Variants in ARFGAP3 observed in about 807,000 individuals in gnomAD.
ARFGAP3 encodes the protein ADP-ribosylation factor GTPase-activating protein 3.
In ARFGAP3, 72 loss-of-function variants were observed where a neutral mutation model predicts 75.0. That is an observed-to-expected ratio of 0.96 (90% CI 0.79 to 1.17). The LOEUF is 1.17. Ranked by LOEUF, ARFGAP3 falls within the 50% of genes most tolerant of loss-of-function variation. The pLI, the probability that ARFGAP3 is intolerant of heterozygous loss-of-function variation, is 0.00. For synonymous variants in ARFGAP3, 221 were observed against 217.9 expected (o/e 1.01, Z -0.13); for missense variants, 620 against 626.6 (o/e 0.99, Z 0.11).
At chr22:42,845,062 G>A (rs886986399) in intron 2 of ARFGAP3, among the ~76,000 whole-genome samples, 1 of 152,130 alleles carries the variant, frequency 6.6e-6, no homozygotes, top group African/African-American at 2.4e-5. Flanking sequence ...ATTCTTTAGC[G>A]ATGAGGAAGA....
chr22:42,797,693 G>A (rs1000416119), intron 15 of ARFGAP3, 88 bp from the exon 16 acceptor site: 5 of 1,612,888 alleles, frequency 3.1e-6, no homozygotes, highest in Non-Finnish European at 4.2e-6. Flanking sequence ...CACCCAAATT[G>A]ACACTGCAGC....
At chr22:42,826,875 G>A in intron 7 of ARFGAP3, 65 bp downstream of exon 7, 1 of 1,444,984 alleles carries the variant, frequency 6.9e-7, no homozygotes, top group Non-Finnish European at 9.5e-7. Context: ...AAATGCAAGA[G>A]GATTTATTTT....
Position 42,817,209 on chromosome 22 carries a change from T to C in ARFGAP3, c.997A>G (p.Ile333Val), listed in dbSNP as rs199675575. The C allele has an allele frequency of 2.5e-6, 4 of 1,613,702 alleles. No homozygotes were observed. The highest frequency in any genetic ancestry group is 1.3e-5 in the African/African-American group (1 of 74,928). ...TACTTTTTTCTTGGTTTTGCCATAA[T>C]GGGTGATTCCTGCTCTATGGTCTGC... ...DMQTIEQESP[I>V]MAKPRKKYND... Residue 333 changes from isoleucine to valine, a missense_variant, in exon 11 of 16, where the codon ATT (isoleucine) becomes GTT (valine). Transcript: ENST00000263245.
intron 5 of ARFGAP3, 93 bp downstream of exon 5, chr22:42,834,149 G>C (rs944294452): frequency 2.2e-5 from 25 of 1,162,514 alleles, no homozygotes; most frequent in Middle Eastern, 4.0e-4. Context: ...CTTGTTACAA[G>C]AGCTTAGCCT....
At chr22:42,810,973 T>C in intron 11 of ARFGAP3, 29 bp from the exon 12 acceptor site, 1 of 1,608,570 alleles carries the variant, frequency 6.2e-7, no homozygotes, top group Non-Finnish European at 8.5e-7. Context: ...AACAGTGACT[T>C]TGGAGGTCCT....
At position 42,854,579 on chromosome 22, in the gene ARFGAP3, C is replaced by T. The variant is rs180716983; in HGVS notation, c.69+2535G>A. On this transcript the variant is annotated intron_variant, in intron 1 of 15. Transcript: ENST00000263245. The stretch of plus-strand genomic sequence containing the variant: ...GGAGGAGGTCGCAGTGTGCCAAGAT[C>T]GCACCACTGCACTCCAGACTGGACA... Among the ~76,000 whole-genome samples the T allele has an allele frequency of 2.5e-3, 373 of 151,624 alleles. 1 individual carries two copies. The highest frequency in any genetic ancestry group is 8.7e-3 in the African/African-American group (358 of 41,304).
chr22:42,823,828 T>C (rs1459685517), intron 7 of ARFGAP3, 126 bp from the exon 8 acceptor site: 2 of 1,198,990 alleles, frequency 1.7e-6, no homozygotes, highest in Non-Finnish European at 2.2e-6. Context: ...CCACTTTAGT[T>C]TCTCATCCAG....
At chr22:42,820,869 C>T (rs1925782818) in intron 9 of ARFGAP3, among the ~76,000 whole-genome samples, 1 of 152,190 alleles carries the variant, frequency 6.6e-6, no homozygotes, top group Admixed American at 6.5e-5. Flanking sequence ...TCTTCACTGG[C>T]CTCCTGGCTT....
intron 1 of ARFGAP3, among the ~76,000 whole-genome samples, chr22:42,850,276 A>G (rs1008009073): frequency 6.6e-5 from 10 of 152,132 alleles, no homozygotes; most frequent in Non-Finnish European, 1.5e-4. Context: ...AAAAAAATAC[A>G]TATTAGATAT....
At chr22:42,801,672 A>G (rs1924867985) in intron 14 of ARFGAP3, among the ~76,000 whole-genome samples, 1 of 152,028 alleles carries the variant, frequency 6.6e-6, no homozygotes, top group African/African-American at 2.4e-5. Flanking sequence ...AGGTGCTCAG[A>G]CTCAGCAAGC....
chr22:42,856,442 G>C (rs1253805998), intron 1 of ARFGAP3, among the ~76,000 whole-genome samples: 2 of 151,846 alleles, frequency 1.3e-5, no homozygotes, highest in Admixed American at 1.3e-4. Flanking sequence ...TCACCCCAAC[G>C]CCTCCAGCCA....
chr22:42,838,512 G>C (rs1005322243), intron 3 of ARFGAP3, among the ~76,000 whole-genome samples: 1 of 151,636 alleles, frequency 6.6e-6, no homozygotes, highest in Non-Finnish European at 1.5e-5. Flanking sequence ...GCCCAGGCTG[G>C]TCTTACACTC....
chr22:42,808,767 A>C lies in ARFGAP3; in HGVS notation c.1320T>G (p.Asp440Glu). 6.2e-7 allele frequency: 1 copy of C among 1,609,748 alleles called. No homozygotes were observed. The highest frequency in any genetic ancestry group is 8.5e-7 in the Non-Finnish European group (1 of 1,177,500). The change falls in exon 13 of 16, where the codon GAT (aspartate) becomes GAG (glutamate). Residue 440 changes from aspartate (D) to glutamate (E), a missense_variant and splice_region_variant. Transcript: ENST00000263245. ...DMYFGRQSQA[D>E]YETRARLERL... ...CCAAAGAAACTCTCTGGACCCTTAC[A>C]TCAGCCTGGGATTGTCTTCCAAAAT...
chr22:42,812,141 C>T (rs1043905261), intron 11 of ARFGAP3, among the ~76,000 whole-genome samples: 2 of 148,706 alleles, frequency 1.3e-5, no homozygotes, highest in Non-Finnish European at 1.5e-5. Context: ...GGGAGGCTCA[C>T]CTAAGCCTGG....
rs778047600 is a variant in ARFGAP3 at position 42,817,844 on chromosome 22, G to A, written c.826C>T (p.Arg276Ter). The A allele has an allele frequency of 4.4e-6, 7 of 1,605,070 alleles. No individual in the cohort carries two copies. Among genetic ancestry groups the A allele is most frequent in the South Asian group, 1.1e-5 (1 of 89,662 alleles). ...SKEESIVSSL[R>*]LAYKDLEIQM... The stretch of plus-strand genomic sequence containing the variant: ...ATTTCAAGATCCTTATAGGCTAATC[G>A]TAATGATGAAACACTGCCAGAAAAA... The change falls in exon 10 of 16, where the codon CGA becomes TGA. Residue 276 changes from arginine (R) to a stop codon, truncating the protein, a stop_gained. Coordinates refer to ENST00000263245, the MANE Select transcript of ARFGAP3 (RefSeq NM_014570.5). LOFTEE classifies it high-confidence loss of function.
At chr22:42,850,960 C>T (rs552669806) in intron 1 of ARFGAP3, among the ~76,000 whole-genome samples, 83 of 152,212 alleles carry the variant, frequency 5.5e-4, no homozygotes, top group Non-Finnish European at 9.3e-4. Context: ...AAGACAGACG[C>T]GCAAATTCAA....
At chr22:42,814,388 C>T (rs1268801394) in intron 11 of ARFGAP3, among the ~76,000 whole-genome samples, 3 of 152,184 alleles carry the variant, frequency 2.0e-5, no homozygotes, top group Admixed American at 2.0e-4. Flanking sequence ...CTAGAGAAGG[C>T]ATTTATGTTC....
intron 5 of ARFGAP3, among the ~76,000 whole-genome samples, chr22:42,832,205 T>C (rs1209223760): frequency 6.7e-6 from 1 of 149,314 alleles, no homozygotes; most frequent in Non-Finnish European, 1.5e-5. Context: ...TAACAACCTG[T>C]GTACAACTTT....
intron 7 of ARFGAP3, among the ~76,000 whole-genome samples, chr22:42,823,985 C>T (rs997693890): frequency 1.3e-5 from 2 of 150,980 alleles, no homozygotes; most frequent in African/African-American, 4.9e-5. Context: ...GAGCTTGCCC[C>T]TCTCAGTACT....
Sources: gnomAD v4.1 joint callset for allele counts (sites outside exome capture counted in the v4.1 genomes callset) on GRCh38, gnomAD v4.1.1 for gene constraint, MANE v1.5 for transcripts, NCBI Gene and HGNC (gene_info 2026-07-23, HGNC 2026-07-21) for gene names.